The following SOHLH2 variants were observed in gnomAD, a reference collection of about 807,000 sequenced individuals.
SOHLH2 encodes the protein spermatogenesis and oogenesis specific basic helix-loop-helix 2.
SOHLH2 carries 22 observed loss-of-function variants against 50.4 expected under a neutral mutation model. The ratio of observed to expected loss-of-function variants is 0.44; its 90% CI spans 0.31 to 0.62. The LOEUF (loss-of-function observed/expected upper bound fraction) is 0.62. Ranked by LOEUF, SOHLH2 falls within the 20% of genes least tolerant of loss-of-function variation. SOHLH2 has a pLI of 0.08. For synonymous variants in SOHLH2, 185 were observed against 187.3 expected (o/e 0.99, Z 0.10); for missense variants, 412 against 504.4 (o/e 0.82, Z 1.76).
chr13:36,169,952 A>G (rs556845321), intron 10 of SOHLH2, among the ~76,000 whole-genome samples: 1 of 152,272 alleles, frequency 6.6e-6, no homozygotes, highest in Non-Finnish European at 1.5e-5. Flanking sequence ...GCATCCCCTT[A>G]ACACTAAATC....
chr13:36,178,872 T>C (rs779473381), intron 6 of SOHLH2, among the ~76,000 whole-genome samples: 1 of 151,642 alleles, frequency 6.6e-6, no homozygotes, highest in African/African-American at 2.4e-5. Flanking sequence ...TATTTTATTC[T>C]ACTTTAAATG....
At chr13:36,189,844 T>C (rs1215202623) in intron 6 of SOHLH2, 102 bp downstream of exon 6, 1 of 1,135,610 alleles carries the variant, frequency 8.8e-7, no homozygotes, top group Non-Finnish European at 1.2e-6. Flanking sequence ...CTAAGTTTAC[T>C]AGTTTCACTT....
At chr13:36,170,195 C>T (rs1886923673) in intron 10 of SOHLH2, among the ~76,000 whole-genome samples, 1 of 152,064 alleles carries the variant, frequency 6.6e-6, no homozygotes, top group African/African-American at 2.4e-5. Flanking sequence ...GATGAGGGTG[C>T]TAAAATGGGA....
At chr13:36,207,065 T>G (rs1868815573) in intron 1 of SOHLH2, among the ~76,000 whole-genome samples, 1 of 151,946 alleles carries the variant, frequency 6.6e-6, no homozygotes, top group South Asian at 2.1e-4. Flanking sequence ...AAACTTTTCT[T>G]TATCATCTTT....
chr13:36,187,571 A>G (rs903020979), intron 6 of SOHLH2, among the ~76,000 whole-genome samples: 1 of 152,100 alleles, frequency 6.6e-6, no homozygotes, highest in Non-Finnish European at 1.5e-5. Context: ...AGAGTAGCCT[A>G]TCCACCATCC....
chr13:36,169,532 G>C (rs890432995), intron 10 of SOHLH2, among the ~76,000 whole-genome samples: 1 of 152,170 alleles, frequency 6.6e-6, no homozygotes, highest in Non-Finnish European at 1.5e-5. Flanking sequence ...ATTCTCATAA[G>C]ATCATGCACA....
At chr13:36,207,490 A>G (rs1868846862) in intron 1 of SOHLH2, among the ~76,000 whole-genome samples, 1 of 152,148 alleles carries the variant, frequency 6.6e-6, no homozygotes, top group Non-Finnish European at 1.5e-5. Flanking sequence ...GAGTTCTCAT[A>G]AACATCTGAC....
intron 1 of SOHLH2, among the ~76,000 whole-genome samples, chr13:36,211,757 C>G (rs1363931213): frequency 6.6e-6 from 1 of 152,132 alleles, no homozygotes; most frequent in Non-Finnish European, 1.5e-5. Flanking sequence ...TGTATAGTGC[C>G]CTGCAGGTGG....
chr13:36,190,273 C>T (rs1486178635), intron 5 of SOHLH2, among the ~76,000 whole-genome samples: 1 of 152,180 alleles, frequency 6.6e-6, no homozygotes, highest in Non-Finnish European at 1.5e-5. Flanking sequence ...ATCCTAAATT[C>T]AATGACTGAT....
At chr13:36,177,921 AATTT>A (rs1887136398) in intron 6 of SOHLH2, among the ~76,000 whole-genome samples, 1 of 151,880 alleles carries the variant, frequency 6.6e-6, no homozygotes, top group Non-Finnish European at 1.5e-5. Context: ...TGATAAATCC[AATTT>A]ATTTACTCTC....
At chr13:36,201,639 T>A (rs1446243486) in intron 2 of SOHLH2, among the ~76,000 whole-genome samples, 1 of 152,146 alleles carries the variant, frequency 6.6e-6, no homozygotes, top group East Asian at 1.9e-4. Flanking sequence ...GCTAATTTTT[T>A]AAAATTTTTT....
At position 36,170,718 on chromosome 13, in the gene SOHLH2, A is replaced by G. The variant is rs773145137; in HGVS notation, c.1070T>C (p.Leu357Pro). The G allele has an allele frequency of 1.2e-6, 2 of 1,614,236 alleles. No homozygotes were observed. Among genetic ancestry groups the G allele is most frequent in the South Asian group, 2.2e-5 (2 of 91,086 alleles). The change falls in exon 10 of 11, where the codon CTG (leucine) becomes CCG (proline). Residue 357 changes from leucine to proline, a missense_variant. Leu to Pro is a moderately conservative substitution (Grantham distance 98, BLOSUM62 -3). Coordinates refer to ENST00000379881, the MANE Select transcript of SOHLH2 (RefSeq NM_017826.3). ...GACAGTATGCAAGGAATTCAGAGAC[A>G]GCGCTGCACTGGAAATGTGAGTTTT... Reference protein sequence around the residue: ...PYKTHISSAALSLNSLHTVRY... With the variant: ...PYKTHISSAAPSLNSLHTVRY...
intron 6 of SOHLH2, among the ~76,000 whole-genome samples, chr13:36,180,466 CTT>C (rs1887220660): frequency 6.6e-6 from 1 of 152,002 alleles, no homozygotes; most frequent in Non-Finnish European, 1.5e-5. Context: ...ATTGCATTCT[CTT>C]TTTTTAAATT....
chr13:36,178,890 A>G (rs1267520614), intron 6 of SOHLH2, among the ~76,000 whole-genome samples: 1 of 149,640 alleles, frequency 6.7e-6, no homozygotes, highest in Non-Finnish European at 1.5e-5. Context: ...ATGTCATAAT[A>G]TTTATATTTT....
At chr13:36,169,195 C>A (rs1886896835) in intron 10 of SOHLH2, 141 bp from the exon 11 acceptor site, 2 of 1,261,666 alleles carry the variant, frequency 1.6e-6, no homozygotes, top group South Asian at 5.0e-5. Flanking sequence ...AATAAGCTTA[C>A]AGGTTTTTAA....
intron 10 of SOHLH2, 103 bp from the exon 11 acceptor site, chr13:36,169,157 T>G: frequency 7.0e-7 from 1 of 1,431,570 alleles, no homozygotes; most frequent in Admixed American, 2.6e-5. Flanking sequence ...CTGAAATGAT[T>G]TGCAAAACTA....
At chr13:36,190,349 T>A (rs1439954582) in intron 5 of SOHLH2, among the ~76,000 whole-genome samples, 1 of 152,144 alleles carries the variant, frequency 6.6e-6, no homozygotes, top group African/African-American at 2.4e-5. Context: ...ACCTTATCAA[T>A]TATGACTACA....
At chr13:36,173,193 A>C (rs1566034838) in intron 9 of SOHLH2, among the ~76,000 whole-genome samples, 1 of 152,212 alleles carries the variant, frequency 6.6e-6, no homozygotes, top group African/African-American at 2.4e-5. Context: ...CCCTGCCTTC[A>C]TGGAGGTGAC....
At chr13:36,205,157 T>C (rs1334781467) in intron 1 of SOHLH2, among the ~76,000 whole-genome samples, 1 of 152,184 alleles carries the variant, frequency 6.6e-6, no homozygotes, top group African/African-American at 2.4e-5. Flanking sequence ...TCTGTTCAGT[T>C]CCAATACATT....
Sources: allele counts gnomAD v4.1 joint callset (sites outside exome capture counted in the v4.1 genomes callset), GRCh38; gene constraint gnomAD v4.1.1; transcripts MANE v1.5; gene names NCBI Gene and HGNC (gene_info 2026-07-23, HGNC 2026-07-21).